NUSAP1: variants seen among roughly 807,000 people sequenced by gnomAD.
NUSAP1 encodes the protein nucleolar and spindle associated protein 1.
A neutral mutation model predicts 52.8 loss-of-function variants in NUSAP1; 32 were observed. The ratio of observed to expected loss-of-function variants is 0.61; its 90% CI spans 0.46 to 0.81. The LOEUF (loss-of-function observed/expected upper bound fraction) is 0.81. Ranked by LOEUF, NUSAP1 falls within the 40% of genes least tolerant of loss-of-function variation. The pLI is 0.00. For synonymous variants in NUSAP1, 195 were observed against 183.1 expected, an observed-to-expected ratio of 1.06 and a Z score of -0.52; for missense variants, 499 against 522.3, an observed-to-expected ratio of 0.96 and a Z score of 0.43.
intron 10 of NUSAP1, among the ~76,000 whole-genome samples, chr15:41,378,958 T>TTTTTTTTTTTG (rs2050101929): frequency 3.5e-5 from 4 of 114,164 alleles, no homozygotes; most frequent in Non-Finnish European, 7.2e-5. Context: ...TTTTTTTTTT[T>TTTTTTTTTTTG]TTTTTTTTTT....
intron 3 of NUSAP1, 21 bp from the exon 4 acceptor site, chr15:41,350,967 A>G (rs780560157): frequency 3.2e-6 from 5 of 1,584,492 alleles, no homozygotes; most frequent in Admixed American, 1.8e-5. Context: ...GAAATCTTTT[A>G]TTTCCTTTTT....
At chr15:41,370,705 G>A (rs796973808) in intron 7 of NUSAP1, among the ~76,000 whole-genome samples, 6 of 137,958 alleles carry the variant, frequency 4.3e-5, no homozygotes, top group African/African-American at 1.4e-4. Context: ...ACCCAACATC[G>A]CACCATTGCA....
chr15:41,378,657 CT>C (rs2050071967), intron 10 of NUSAP1, among the ~76,000 whole-genome samples: 1 of 152,098 alleles, frequency 6.6e-6, no homozygotes, highest in African/African-American at 2.4e-5. Flanking sequence ...GTAATCCCAG[CT>C]ACTCGGGAGG....
intron 1 of NUSAP1, among the ~76,000 whole-genome samples, chr15:41,334,345 C>T (rs375310676): frequency 5.5e-4 from 84 of 152,268 alleles, no homozygotes; most frequent in African/African-American, 1.9e-3. Flanking sequence ...TCTCGAACTC[C>T]TGACTTCCTG....
intron 10 of NUSAP1, among the ~76,000 whole-genome samples, chr15:41,379,769 A>T (rs560971209): frequency 6.6e-6 from 1 of 151,732 alleles, no homozygotes; most frequent in East Asian, 1.9e-4. Flanking sequence ...CTGGTCTCGA[A>T]CTCCTGACCT....
At chr15:41,363,894 T>G (rs534588923) in intron 6 of NUSAP1, among the ~76,000 whole-genome samples, 1 of 152,286 alleles carries the variant, frequency 6.6e-6, no homozygotes, top group Non-Finnish European at 1.5e-5. Context: ...TCCTTCCCTC[T>G]TTTTGTTTTT....
At chr15:41,333,085 G>T (rs756684500) in intron 1 of NUSAP1, 35 bp downstream of exon 1, 6 of 1,543,422 alleles carry the variant, frequency 3.9e-6, no homozygotes, top group Middle Eastern at 1.8e-4. Context: ...CTGGGCGGGC[G>T]CGGCGGGAAT....
At chr15:41,342,253 C>A (rs1435340161) in intron 1 of NUSAP1, 133 bp from the exon 2 acceptor site, 3 of 640,916 alleles carry the variant, frequency 4.7e-6, no homozygotes, top group Non-Finnish European at 8.2e-6. Context: ...GAGACCCATT[C>A]TTTCTAAGTA....
At chr15:41,357,836 A>G (rs1401016428) in intron 5 of NUSAP1, among the ~76,000 whole-genome samples, 2 of 152,216 alleles carry the variant, frequency 1.3e-5, no homozygotes, top group Non-Finnish European at 2.9e-5. Flanking sequence ...ATTATTAAAT[A>G]AAGACCACTT....
chr15:41,375,725 C>A lies in NUSAP1; in HGVS notation c.1020C>A (p.Phe340Leu), dbSNP rs1345065025. The A allele has an allele frequency of 6.2e-7, 1 of 1,611,408 alleles. No individual in the cohort carries two copies. Among genetic ancestry groups the A allele is most frequent in the East Asian group, 2.2e-5 (1 of 44,868 alleles). ...GTGTGTTTTTAGTTATTACCCCATT[C>A]AAGTTGACAACTGAGGCAACGCAGA... Reference protein sequence around the residue: ...TGNSAAVITPFKLTTEATQTP... With the variant: ...TGNSAAVITPLKLTTEATQTP... Residue 340 changes from phenylalanine (F) to leucine (L), a missense_variant, in exon 9 of 11, where the codon TTC (phenylalanine) becomes TTA (leucine). Physicochemically the swap from Phe to Leu is conservative, Grantham distance 22. Coordinates refer to ENST00000559596, the MANE Select transcript of NUSAP1 (RefSeq NM_016359.5).
chr15:41,355,019 CA>C (rs1029020793), intron 4 of NUSAP1, among the ~76,000 whole-genome samples: 215 of 135,316 alleles, frequency 1.6e-3, no homozygotes, highest in Middle Eastern at 3.7e-3. Flanking sequence ...GACTCCATCT[CA>C]AAAAAAAAAA....
intron 7 of NUSAP1, 124 bp downstream of exon 7, chr15:41,365,713 CTTTTCT>C: frequency 3.5e-6 from 2 of 578,258 alleles, no homozygotes; most frequent in Non-Finnish European, 2.6e-6. Flanking sequence ...TGTTTCTTTT[CTTTTCT>C]TTTTCTTTTT....
chr15:41,344,496 G>A (rs1017724032), intron 2 of NUSAP1, among the ~76,000 whole-genome samples: 2 of 152,022 alleles, frequency 1.3e-5, no homozygotes, highest in Non-Finnish European at 2.9e-5. Flanking sequence ...AAACTAACCA[G>A]GCGTGGTGGT....
intron 2 of NUSAP1, chr15:41,345,465 T>C: frequency 4.7e-6 from 2 of 422,310 alleles, no homozygotes; most frequent in Non-Finnish European, 9.2e-6. Flanking sequence ...TATTTTTTTC[T>C]TTCTTTTTTT....
At chr15:41,342,261 G>T in intron 1 of NUSAP1, 125 bp from the exon 2 acceptor site, 1 of 654,210 alleles carries the variant, frequency 1.5e-6, no homozygotes. Context: ...TTCTTTCTAA[G>T]TAATGGTTCT....
intron 2 of NUSAP1, chr15:41,345,361 C>T: frequency 2.9e-6 from 1 of 350,750 alleles, no homozygotes; most frequent in South Asian, 2.2e-5. Flanking sequence ...TTTCTATTCT[C>T]ATGTAAAAAC....
chr15:41,352,953 C>A (rs2048832289), intron 4 of NUSAP1, among the ~76,000 whole-genome samples: 2 of 152,086 alleles, frequency 1.3e-5, no homozygotes, highest in Admixed American at 1.3e-4. Context: ...TGGCAGGAAT[C>A]CCAAAGAGCA....
At position 41,350,999 on chromosome 15, in the gene NUSAP1, A is replaced by C. The variant is rs1168193104; in HGVS notation, c.318A>C (p.Ser106=). 1 of 1,606,748 alleles carries C rather than the reference A, an allele frequency of 6.2e-7. No homozygotes were observed. Among genetic ancestry groups the C allele is most frequent in the East Asian group, 2.2e-5 (1 of 44,864 alleles). The stretch of plus-strand genomic sequence containing the variant: ...TTTTAAATTTGTAGCAGAATCATTC[A>C]GAGATAAAAATAAGTAATCCCACTG... ...RVDPDSQQNH[S]EIKISNPTEF... The change falls in exon 4 of 11, where the codon TCA becomes TCC. Residue 106 remains serine, a synonymous_variant. Transcript: ENST00000559596.
intron 4 of NUSAP1, among the ~76,000 whole-genome samples, chr15:41,353,088 C>A (rs150135435): frequency 6.6e-6 from 1 of 152,112 alleles, no homozygotes; most frequent in African/African-American, 2.4e-5. Context: ...TGTGAAGTTA[C>A]TCTTTTACCA....
Sources: allele counts gnomAD v4.1 joint callset (sites outside exome capture counted in the v4.1 genomes callset), GRCh38; gene constraint gnomAD v4.1.1; transcripts MANE v1.5; gene names NCBI Gene and HGNC (gene_info 2026-07-23, HGNC 2026-07-21).